The following IGSF21 variants were observed in gnomAD, a reference collection of about 807,000 sequenced individuals.
IGSF21 encodes the protein immunoglobin superfamily member 21, also known as immunoglobulin superfamily member 21.
Under a neutral mutation model 46.8 loss-of-function variants are expected in IGSF21, and 28 were observed. The ratio of observed to expected loss-of-function variants is 0.60; its 90% CI spans 0.44 to 0.82. The LOEUF (loss-of-function observed/expected upper bound fraction) is 0.82. Ranked by LOEUF, IGSF21 falls within the 40% of genes least tolerant of loss-of-function variation. IGSF21 has a pLI of 0.00. For synonymous variants in IGSF21, 284 were observed against 273.6 expected (o/e 1.04, Z -0.38); for missense variants, 624 against 665.5 (o/e 0.94, Z 0.69).
chr1:18,280,169 A>C (rs1569711318), intron 2 of IGSF21, among the ~76,000 whole-genome samples: 1 of 152,052 alleles, frequency 6.6e-6, no homozygotes, highest in Non-Finnish European at 1.5e-5. Context: ...CAGGCAGGGG[A>C]TGTGGGCCAG....
chr1:18,217,559 GA>G (rs576940790), intron 1 of IGSF21, among the ~76,000 whole-genome samples: 131 of 152,318 alleles, frequency 8.6e-4, no homozygotes, highest in African/African-American at 3.1e-3. Context: ...CTTTGAACTT[GA>G]AAATGGCCTC....
At chr1:18,347,815 A>G (rs1369984837) in intron 4 of IGSF21, among the ~76,000 whole-genome samples, 1 of 152,196 alleles carries the variant, frequency 6.6e-6, no homozygotes, top group Non-Finnish European at 1.5e-5. Context: ...CGGAGCCTAG[A>G]GTGGAAACAG....
chr1:18,274,002 G>A (rs1451519879), intron 2 of IGSF21, among the ~76,000 whole-genome samples: 1 of 152,156 alleles, frequency 6.6e-6, no homozygotes, highest in Non-Finnish European at 1.5e-5. Context: ...GGCCTCTCTG[G>A]TAAAGACACC....
chr1:18,191,514 T>C (rs902820623), intron 1 of IGSF21, among the ~76,000 whole-genome samples: 2 of 151,624 alleles, frequency 1.3e-5, no homozygotes, highest in African/African-American at 2.4e-5. Flanking sequence ...GGGGTTGAAA[T>C]AGAGAGGGCA....
chr1:18,320,439 C>T (rs1175911037), intron 3 of IGSF21, among the ~76,000 whole-genome samples: 2 of 152,302 alleles, frequency 1.3e-5, no homozygotes, highest in East Asian at 1.9e-4. Flanking sequence ...AGAGGAAGCT[C>T]GGAGTTTCAA....
chr1:18,304,823 A>G (rs1157915826), intron 3 of IGSF21, among the ~76,000 whole-genome samples: 1 of 152,156 alleles, frequency 6.6e-6, no homozygotes, highest in East Asian at 1.9e-4. Flanking sequence ...CAAGTGCTTT[A>G]TTGCTGGTAT....
rs1309434155 is a variant in IGSF21, at chr1:18,362,158, C to G, written c.468C>G (p.Ala156=). 1 of 1,612,918 alleles carries G rather than the reference C, an allele frequency of 6.2e-7. No homozygotes were observed. The highest frequency in any genetic ancestry group is 1.1e-5 in the South Asian group (1 of 90,568). The change falls in exon 5 of 10, where the codon GCC becomes GCG. Residue 156 remains alanine, a synonymous_variant. Coordinates refer to ENST00000251296, the MANE Select transcript of IGSF21 (RefSeq NM_032880.5). ...SIEVVAADTP[A]PFSRYQAQNF... ...AAGTGGTGGCTGCTGACACACCAGC[C>G]CCCTTCAGCCGCTACCAAGCCCAGA...
chr1:18,200,606 CTTA>C (rs2087062770), intron 1 of IGSF21, among the ~76,000 whole-genome samples: 1 of 152,208 alleles, frequency 6.6e-6, no homozygotes, highest in Admixed American at 6.5e-5. Context: ...TTCCGCTCTT[CTTA>C]TAAGAACATT....
chr1:18,301,340 G>A (rs796088924), intron 3 of IGSF21, among the ~76,000 whole-genome samples: 3 of 152,202 alleles, frequency 2.0e-5, no homozygotes, highest in African/African-American at 7.2e-5. Context: ...TTGTTTGTTT[G>A]TTTGTTTGTT....
chr1:18,270,695 CA>C (rs1569682686), intron 2 of IGSF21, among the ~76,000 whole-genome samples: 1 of 152,198 alleles, frequency 6.6e-6, no homozygotes, highest in African/African-American at 2.4e-5. Flanking sequence ...GGCTCCGTGA[CA>C]ATGGGCTTCC....
intron 2 of IGSF21, among the ~76,000 whole-genome samples, chr1:18,281,059 C>T (rs2085154048): frequency 9.3e-6 from 1 of 107,086 alleles, no homozygotes; most frequent in African/African-American, 3.9e-5. Context: ...TGTGAACTCC[C>T]TGATGACCCC....
intron 6 of IGSF21, among the ~76,000 whole-genome samples, chr1:18,372,632 A>AGATGGATGGATGGATGGATGGATGGATG (rs779856968): frequency 7.4e-6 from 1 of 135,204 alleles, no homozygotes; most frequent in African/African-American, 2.8e-5. Context: ...ATGGATGGAT[A>AGATGGATGGATGGATGGATGGATGGATG]GATGGATGGA....
intron 3 of IGSF21, among the ~76,000 whole-genome samples, chr1:18,327,715 CA>C (rs1256707675): frequency 5.9e-5 from 9 of 152,120 alleles, no homozygotes; most frequent in Non-Finnish European, 1.3e-4. Flanking sequence ...GAAAGAGGAT[CA>C]ATGGCTGCCT....
chr1:18,327,606 C>T (rs916039023), intron 3 of IGSF21, among the ~76,000 whole-genome samples: 4 of 152,092 alleles, frequency 2.6e-5, no homozygotes, highest in Non-Finnish European at 5.9e-5. Context: ...GAATGAATCT[C>T]AAAATAATGA....
At chr1:18,367,251 C>T (rs943165192) in intron 6 of IGSF21, among the ~76,000 whole-genome samples, 4 of 152,170 alleles carry the variant, frequency 2.6e-5, no homozygotes, top group African/African-American at 7.2e-5. Flanking sequence ...AAACCCAACA[C>T]CTCCTCAGTA....
intron 1 of IGSF21, among the ~76,000 whole-genome samples, chr1:18,216,164 C>A (rs1390977535): frequency 6.6e-6 from 1 of 152,014 alleles, no homozygotes; most frequent in Admixed American, 6.6e-5. Context: ...TCACATTGAA[C>A]CTGGAAGGAT....
chr1:18,199,900 CTA>C, intron 1 of IGSF21, among the ~76,000 whole-genome samples: 1 of 151,726 alleles, frequency 6.6e-6, no homozygotes, highest in South Asian at 2.1e-4. Context: ...CGGCCCCCCC[CTA>C]CCCCCGTGAG....
Position 18,362,359 on chromosome 1 carries a change from T to A in IGSF21, c.540+129T>A, listed in dbSNP as rs1255658617. ...TTGGCCAGGGCTGACTCTGTCCCCA[T>A]CTGCCTTGGTCTGATCCCGTTTACC... On this transcript the variant is annotated intron_variant, in intron 5 of 9. Coordinates refer to ENST00000251296, the MANE Select transcript of IGSF21 (RefSeq NM_032880.5). 4.7e-5 allele frequency: 31 copies of A among 655,946 alleles called. No homozygotes were observed. In the East Asian group the frequency reaches 8.2e-4, roughly 17 times the overall value. 40.6% of individuals were successfully genotyped at this position (655,946 alleles called of 1,614,324 possible). A position where few individuals can be genotyped will look rare whatever the true frequency, so the allele number is the denominator to read the frequency against.
chr1:18,366,932 A>T (rs2086171104), intron 6 of IGSF21, among the ~76,000 whole-genome samples: 1 of 152,180 alleles, frequency 6.6e-6, no homozygotes, highest in Admixed American at 6.5e-5. Flanking sequence ...AAAATATACA[A>T]GACTCATCTC....
Sources: allele counts gnomAD v4.1 joint callset (sites outside exome capture counted in the v4.1 genomes callset), GRCh38; gene constraint gnomAD v4.1.1; transcripts MANE v1.5; gene names NCBI Gene and HGNC (gene_info 2026-07-23, HGNC 2026-07-21).